The following GPR63 variants were observed in gnomAD, a reference collection of about 807,000 sequenced individuals.
GPR63 encodes the protein probable G protein-coupled receptor 63.
Under a neutral mutation model 23.1 loss-of-function variants are expected in GPR63, and 12 were observed. That is an observed-to-expected ratio of 0.52 (90% CI 0.33 to 0.84). GPR63 has a LOEUF of 0.84. GPR63 is among the 40% of genes least tolerant of loss of function. GPR63 has a pLI of 0.02. For missense variants in GPR63, 472 were observed against 515.6 expected, an observed-to-expected ratio of 0.92 and a Z score of 0.82; for synonymous variants, 172 against 191.1, an observed-to-expected ratio of 0.90 and a Z score of 0.82.
chr6:96,813,533 T>C (rs1354718302), intron 1 of GPR63, among the ~76,000 whole-genome samples: 1 of 152,358 alleles, frequency 6.6e-6, no homozygotes, highest in East Asian at 1.9e-4. Context: ...AGATACTTGA[T>C]ATGCTTTCAA....
Position 96,798,508 on chromosome 6 carries a change from A to G in GPR63, c.1224T>C (p.Ala408=), listed in dbSNP as rs965755238. The part of the protein sequence containing the change: ...GHTKRRIRPS[A]VYVCGEHRTV... ...TCCGATGTTCCCCACACACATAGAC[A>G]GCACTAGGACGTATCCGTCGCTTTG... The change falls in exon 2 of 2, where the codon GCT becomes GCC. Residue 408 remains alanine, a synonymous_variant. Coordinates refer to ENST00000229955, the MANE Select transcript of GPR63 (RefSeq NM_030784.4). The G allele has an allele frequency of 1.2e-6, 2 of 1,614,092 alleles. No individual in the cohort carries two copies. Among genetic ancestry groups the G allele is most frequent in the Non-Finnish European group, 1.7e-6 (2 of 1,180,032 alleles).
rs1773569318 is a variant in GPR63, at chr6:96,795,959, A to G, written c.*2513T>C. 6.6e-6 allele frequency: 1 copy of G among 152,226 alleles called. No individual in the cohort carries two copies. Among genetic ancestry groups the G allele is most frequent in the Non-Finnish European group, 1.5e-5 (1 of 68,046 alleles). The allele number at this position is 152,226 out of a possible 1,614,324, so 9.4% of individuals were successfully genotyped here. ...ATTTTACCTGTGAATAAAAATTAGA[A>G]ATGAAAGAGGTAGGTGACTATCATT... is the stretch of plus-strand genomic sequence containing the variant. On this transcript the variant is annotated 3_prime_UTR_variant, in exon 2 of 2. Coordinates refer to ENST00000229955, the MANE Select transcript of GPR63 (RefSeq NM_030784.4).
At chr6:96,834,723 T>C (rs184856237) in intron 1 of GPR63, among the ~76,000 whole-genome samples, 16 of 152,268 alleles carry the variant, frequency 1.1e-4, no homozygotes, top group African/African-American at 3.6e-4. Flanking sequence ...TAAGCTGAAA[T>C]ATAGCAGCTT....
chr6:96,825,537 A>T (rs1774419281), intron 1 of GPR63, among the ~76,000 whole-genome samples: 1 of 152,062 alleles, frequency 6.6e-6, no homozygotes, highest in African/African-American at 2.4e-5. Flanking sequence ...CTTTATTCCA[A>T]CCTAGAATCT....
intron 1 of GPR63, among the ~76,000 whole-genome samples, chr6:96,819,542 A>G (rs1774248509): frequency 6.6e-6 from 1 of 152,040 alleles, no homozygotes; most frequent in East Asian, 1.9e-4. Context: ...GGGGAGGGAG[A>G]GCTTTAGGAC....
chr6:96,800,425 C>T (rs1434751346), intron 1 of GPR63, among the ~76,000 whole-genome samples: 1 of 152,106 alleles, frequency 6.6e-6, no homozygotes, highest in Non-Finnish European at 1.5e-5. Context: ...TAAGTAGGCA[C>T]TAAGTAATTG....
At chr6:96,834,296 T>C (rs1339039177) in intron 1 of GPR63, among the ~76,000 whole-genome samples, 2 of 152,200 alleles carry the variant, frequency 1.3e-5, no homozygotes, top group East Asian at 1.9e-4. Flanking sequence ...TGTTCTCATG[T>C]TTTGTGGTTG....
At chr6:96,809,133 A>C (rs760331286) in intron 1 of GPR63, among the ~76,000 whole-genome samples, 1 of 151,994 alleles carries the variant, frequency 6.6e-6, no homozygotes, top group Non-Finnish European at 1.5e-5. Context: ...CTAATCTCCA[A>C]TAAAAGACCA....
rs1773646722 is a variant in GPR63, at chr6:96,798,368, T to C, written c.*104A>G. 8.4e-7 allele frequency: 1 copy of C among 1,192,478 alleles called. No individual in the cohort carries two copies. The highest frequency in any genetic ancestry group is 1.2e-6 in the Non-Finnish European group (1 of 849,642). 73.9% of individuals were successfully genotyped at this position (1,192,478 alleles called of 1,614,324 possible). On this transcript the variant is annotated 3_prime_UTR_variant, in exon 2 of 2. Transcript: ENST00000229955. ...TCTTTACACTGCTCACACACATACA[T>C]ACACAAACCCTATAAAAAAAAATAA...
At chr6:96,823,655 T>C (rs1774365158) in intron 1 of GPR63, among the ~76,000 whole-genome samples, 1 of 152,106 alleles carries the variant, frequency 6.6e-6, no homozygotes. Context: ...TGTACATTAA[T>C]ATCCCAGACT....
intron 1 of GPR63, among the ~76,000 whole-genome samples, chr6:96,824,593 C>CA (rs1183157086): frequency 0.013 from 578 of 44,322 alleles, 5 homozygotes; most frequent in African/African-American, 0.026. Context: ...TACGCCTTAG[C>CA]AAAAAAAAAA....
At chr6:96,810,544 AT>A (rs1423360303) in intron 1 of GPR63, among the ~76,000 whole-genome samples, 1 of 152,108 alleles carries the variant, frequency 6.6e-6, no homozygotes, top group East Asian at 1.9e-4. Flanking sequence ...TGATACATAC[AT>A]ACTAGGAATA....
intron 1 of GPR63, among the ~76,000 whole-genome samples, chr6:96,830,746 C>T (rs2127961066): frequency 6.6e-6 from 1 of 152,236 alleles, no homozygotes; most frequent in East Asian, 1.9e-4. Context: ...ATTTTAGTTT[C>T]AAAAATAAAA....
chr6:96,813,145 G>A (rs1247468988), intron 1 of GPR63, among the ~76,000 whole-genome samples: 1 of 151,958 alleles, frequency 6.6e-6, no homozygotes, highest in Non-Finnish European at 1.5e-5. Flanking sequence ...ATGACCTCCA[G>A]TTCCATCCAT....
At chr6:96,830,592 C>T (rs1774555934) in intron 1 of GPR63, among the ~76,000 whole-genome samples, 1 of 152,132 alleles carries the variant, frequency 6.6e-6, no homozygotes, top group Non-Finnish European at 1.5e-5. Flanking sequence ...GTGAAGAAAA[C>T]AATGTCTGGA....
chr6:96,822,447 T>G (rs1457244051), intron 1 of GPR63, among the ~76,000 whole-genome samples: 1 of 152,168 alleles, frequency 6.6e-6, no homozygotes, highest in African/African-American at 2.4e-5. Flanking sequence ...GTTTTAGTAT[T>G]CAAAGTGGCC....
intron 1 of GPR63, among the ~76,000 whole-genome samples, chr6:96,818,719 A>C (rs960954657): frequency 1.3e-5 from 2 of 152,202 alleles, no homozygotes; most frequent in Non-Finnish European, 2.9e-5. Context: ...CAAAATATTA[A>C]CACACATCAG....
intron 1 of GPR63, among the ~76,000 whole-genome samples, chr6:96,805,926 A>G (rs1005301854): frequency 2.0e-5 from 3 of 152,220 alleles, no homozygotes; most frequent in African/African-American, 7.2e-5. Flanking sequence ...ATGTGGTTTT[A>G]CTGATGGAGC....
intron 1 of GPR63, among the ~76,000 whole-genome samples, chr6:96,810,906 C>T (rs1358171100): frequency 6.6e-6 from 1 of 152,050 alleles, no homozygotes; most frequent in Non-Finnish European, 1.5e-5. Context: ...TTCCTGTTTC[C>T]TGTATAAAAT....
Sources: allele counts gnomAD v4.1 joint callset (sites outside exome capture counted in the v4.1 genomes callset), GRCh38; gene constraint gnomAD v4.1.1; transcripts MANE v1.5; gene names NCBI Gene and HGNC (gene_info 2026-07-23, HGNC 2026-07-21).